DAB1: variants seen among roughly 807,000 people sequenced by gnomAD.
DAB1 encodes the protein disabled homolog 1.
DAB1 carries 15 observed loss-of-function variants against 64.6 expected under a neutral mutation model. The observed-to-expected ratio is 0.23, with a 90% CI of 0.16 to 0.36. The LOEUF (loss-of-function observed/expected upper bound fraction) is 0.36. Ranked by LOEUF, DAB1 falls within the 10% of genes least tolerant of loss-of-function variation. The probability of loss-of-function intolerance (pLI) is 1.00; values close to 1 mark genes in which losing one functional copy is unlikely to be tolerated. For synonymous variants in DAB1, 235 were observed against 251.9 expected (o/e 0.93, Z 0.64); for missense variants, 596 against 706.7 (o/e 0.84, Z 1.78).
At chr1:57,321,890 G>A (rs866569049) in intron 1 of DAB1, among the ~76,000 whole-genome samples, 4 of 136,812 alleles carry the variant, frequency 2.9e-5, no homozygotes, top group East Asian at 2.0e-4. Context: ...CAATACCTAC[G>A]ACAGATGGCT....
Position 57,015,279 on chromosome 1 carries a change from T to C in DAB1, c.1048A>G (p.Thr350Ala). Residue 350 changes from threonine to alanine, a missense_variant, in exon 12 of 15, where the codon ACT becomes GCT. Physicochemically the swap from Thr to Ala is moderately conservative, Grantham distance 58 (BLOSUM62 0). This residue lies in a region of DAB1 where 377 missense variants were observed against 400.4 expected (regional missense o/e 0.94). Coordinates refer to ENST00000371236, the MANE Select transcript of DAB1 (RefSeq NM_001365792.1). ...GCCACAGTTGGCCAGGGCTGCTGAG[T>C]GGCAGGAAAGAGACCCGGCTGGCCC... is the stretch of plus-strand genomic sequence containing the variant. ...AWGQPGLFPA[T>A]QQPWPTVAGQ... The C allele has an allele frequency of 6.2e-7, 1 of 1,613,872 alleles. No individual in the cohort carries two copies. The highest frequency in any genetic ancestry group is 8.5e-7 in the Non-Finnish European group (1 of 1,179,972).
chr1:57,348,471 T>G (rs1013612958), intron 1 of DAB1, among the ~76,000 whole-genome samples: 12 of 152,170 alleles, frequency 7.9e-5, no homozygotes, highest in Non-Finnish European at 1.6e-4. Context: ...GTATTTAGTG[T>G]CAGGCCCAGT....
chr1:57,109,715 A>G (rs985356344), intron 4 of DAB1, among the ~76,000 whole-genome samples: 1 of 152,304 alleles, frequency 6.6e-6, no homozygotes, highest in African/African-American at 2.4e-5. Context: ...CAGCAACCCT[A>G]TGAGGGAGGC....
chr1:57,458,380 G>T (rs768021454), intron 7 of DAB1, among the ~76,000 whole-genome samples: 9 of 151,704 alleles, frequency 5.9e-5, no homozygotes, highest in South Asian at 4.2e-4. Context: ...GTTTACTCCT[G>T]TAAGGCAAAT....
At chr1:58,006,034 T>C (rs925534359) in intron 5 of DAB1, among the ~76,000 whole-genome samples, 3 of 152,106 alleles carry the variant, frequency 2.0e-5, no homozygotes, top group Non-Finnish European at 2.9e-5. Flanking sequence ...AGTGGCAAAA[T>C]AGCACTACTA....
intron 6 of DAB1, among the ~76,000 whole-genome samples, chr1:57,760,601 T>TTCTCTCTCTC (rs140338730): frequency 9.5e-5 from 10 of 105,404 alleles, no homozygotes; most frequent in African/African-American, 3.6e-4. Flanking sequence ...CTCAACTTCT[T>TTCTCTCTCTC]TCTCTCTCTC....
intron 6 of DAB1, 165 bp from the exon 7 acceptor site, chr1:57,071,226 C>T (rs958373569): frequency 4.4e-6 from 3 of 689,298 alleles, no homozygotes; most frequent in Middle Eastern, 8.2e-4. Context: ...ATCCTTAGAG[C>T]CACTCCCACC....
intron 3 of DAB1, among the ~76,000 whole-genome samples, chr1:58,364,309 A>C (rs12404972): frequency 0.21 from 31,994 of 152,174 alleles, 3,409 homozygotes; most frequent in South Asian, 0.27. Context: ...CTAGCACTTT[A>C]AGGTAATGAG....
chr1:57,615,036 A>AT (rs1466485599), intron 7 of DAB1, among the ~76,000 whole-genome samples: 2 of 151,206 alleles, frequency 1.3e-5, no homozygotes, highest in African/African-American at 2.4e-5. Flanking sequence ...CGCCTGGCTA[A>AT]TTTTTTTGTA....
At chr1:57,913,719 A>T (rs1644683258) in intron 5 of DAB1, among the ~76,000 whole-genome samples, 1 of 152,050 alleles carries the variant, frequency 6.6e-6, no homozygotes, top group South Asian at 2.1e-4. Flanking sequence ...AATGTCCAGA[A>T]TCTACAAAGA....
intron 7 of DAB1, among the ~76,000 whole-genome samples, chr1:57,521,651 G>C (rs1644528275): frequency 6.6e-6 from 1 of 152,154 alleles, no homozygotes; most frequent in South Asian, 2.1e-4. Flanking sequence ...CAAAGTGACA[G>C]CCATAGTATT....
In DAB1 at chr1:57,855,445, G is replaced by A. The variant is rs140515446; in HGVS notation, n.87+28554C>T. ...CAAATTAATAAACAACTCTAATAAT[G>A]GATGGTAAAGATAGATGTGATGAAG... On this transcript the variant is annotated intron_variant and non_coding_transcript_variant, in intron 1 of 1. Coordinates refer to the DAB1 transcript ENST00000477280. Among the ~76,000 whole-genome samples the A allele has an allele frequency of 1.8e-3, 281 of 152,234 alleles. 1 individual carries two copies. The highest frequency in any genetic ancestry group is 6.0e-3 in the African/African-American group (251 of 41,526).
chr1:57,665,896 T>C (rs947796397), intron 6 of DAB1, among the ~76,000 whole-genome samples: 4 of 150,594 alleles, frequency 2.7e-5, no homozygotes, highest in African/African-American at 7.4e-5. Flanking sequence ...TGCGTGTGCA[T>C]GTGTGTGTTT....
At chr1:57,121,669 T>C (rs867518010) in intron 4 of DAB1, among the ~76,000 whole-genome samples, 2 of 152,168 alleles carry the variant, frequency 1.3e-5, no homozygotes, top group South Asian at 2.1e-4. Flanking sequence ...CTAGGTTTTC[T>C]TCTAGGGTTT....
chr1:57,978,439 G>A (rs987316861), intron 5 of DAB1, among the ~76,000 whole-genome samples: 1 of 152,076 alleles, frequency 6.6e-6, no homozygotes, highest in Non-Finnish European at 1.5e-5. Flanking sequence ...AGACTCAAAC[G>A]TAAGACCCAG....
intron 4 of DAB1, among the ~76,000 whole-genome samples, chr1:57,081,144 G>T (rs1476305825): frequency 6.6e-6 from 1 of 152,154 alleles, no homozygotes; most frequent in Admixed American, 6.5e-5. Flanking sequence ...CCATGGCTTT[G>T]TGGCCATGAA....
intron 9 of DAB1, chr1:57,033,287 G>T: frequency 7.9e-7 from 1 of 1,271,430 alleles, no homozygotes; most frequent in Non-Finnish European, 1.1e-6. Flanking sequence ...AGCAGAGCAG[G>T]GCAGGAAATC....
intron 4 of DAB1, among the ~76,000 whole-genome samples, chr1:58,238,485 G>A (rs1035707449): frequency 1.1e-4 from 17 of 152,158 alleles, no homozygotes; most frequent in African/African-American, 3.9e-4. Flanking sequence ...GAGAGGACCA[G>A]ATAGTAAACA....
intron 3 of DAB1, among the ~76,000 whole-genome samples, chr1:58,455,775 G>A (rs1645187730): frequency 6.6e-6 from 1 of 152,194 alleles, no homozygotes; most frequent in African/African-American, 2.4e-5. Context: ...GTCACAAATT[G>A]GACGGTTGAT....
Sources: gnomAD v4.1 joint callset for allele counts (sites outside exome capture counted in the v4.1 genomes callset) on GRCh38, gnomAD v4.1.1 for gene constraint, gnomAD v4.1.1 regional missense constraint, MANE v1.5 for transcripts, NCBI Gene and HGNC (gene_info 2026-07-23, HGNC 2026-07-21) for gene names.